MRTFB: variants seen among roughly 807,000 people sequenced by gnomAD.
The protein encoded by MRTFB is myocardin-related transcription factor B.
A neutral mutation model predicts 104.2 loss-of-function variants in MRTFB; 29 were observed. That is an observed-to-expected ratio of 0.28 (90% CI 0.21 to 0.38). MRTFB has a LOEUF of 0.38. Among genes scored for constraint, MRTFB ranks in the 10% least tolerant of loss-of-function variants. The probability of loss-of-function intolerance (pLI) is 1.00; values close to 1 mark genes in which losing one functional copy is unlikely to be tolerated. For missense variants in MRTFB, 1,270 were observed against 1,341.6 expected, an observed-to-expected ratio of 0.95 and a Z score of 0.83; for synonymous variants, 535 against 519.5, an observed-to-expected ratio of 1.03 and a Z score of -0.41.
At chr16:14,148,099 T>A (rs2038412927) in intron 3 of MRTFB, among the ~76,000 whole-genome samples, 1 of 152,216 alleles carries the variant, frequency 6.6e-6, no homozygotes, top group Admixed American at 6.5e-5. Context: ...AACAAATTTA[T>A]TAAGAAATAG....
intron 2 of MRTFB, among the ~76,000 whole-genome samples, chr16:14,118,866 C>T (rs2036687889): frequency 6.6e-6 from 1 of 151,832 alleles, no homozygotes; most frequent in East Asian, 1.9e-4. Context: ...ATTTCTGTGG[C>T]TTGCTTTTTT....
chr16:14,088,316 C>T (rs2034847841), intron 2 of MRTFB, among the ~76,000 whole-genome samples: 1 of 152,072 alleles, frequency 6.6e-6, no homozygotes, highest in Admixed American at 6.6e-5. Context: ...TGTAATTACC[C>T]CAGTTTTAAA....
upstream of MRTFB, among the ~76,000 whole-genome samples, chr16:14,066,473 C>T (rs2033529384): frequency 6.6e-6 from 1 of 152,054 alleles, no homozygotes; most frequent in Non-Finnish European, 1.5e-5. Flanking sequence ...GGGGGTTTCA[C>T]CATGTTGGTC....
In MRTFB at chr16:14,247,309, G is replaced by A. The variant is rs1385856804; in HGVS notation, c.2049G>A (p.Glu683=). The A allele has an allele frequency of 1.9e-6, 3 of 1,614,098 alleles. No individual in the cohort carries two copies. Among genetic ancestry groups the A allele is most frequent in the Non-Finnish European group, 2.5e-6 (3 of 1,180,054 alleles). ...AAAAGGCTGTAGTTATCAAGCAAGA[G>A]GTCCCTGTGGGCCAGGCAGAGCAGC... The part of the protein sequence containing the change: ...VAKKAVVIKQ[E]VPVGQAEQQS... The change falls in exon 12 of 17, where the codon GAG becomes GAA. Residue 683 remains glutamate (E), a synonymous_variant. Transcript: ENST00000571589.
chr16:14,108,904 G>A (rs960696059), intron 2 of MRTFB, among the ~76,000 whole-genome samples: 3 of 152,132 alleles, frequency 2.0e-5, no homozygotes, highest in African/African-American at 7.2e-5. Context: ...GGCCAGAAGT[G>A]TTAATGTCTG....
chr16:14,026,383 G>C, the MRTFB span, among the ~76,000 whole-genome samples: 1 of 152,070 alleles, frequency 6.6e-6, no homozygotes, highest in Non-Finnish European at 1.5e-5. Flanking sequence ...TTCAAACCAA[G>C]CCTCACAACT....
the MRTFB span, chr16:14,013,163 G>C: frequency 6.6e-6 from 1 of 152,280 alleles, no homozygotes; most frequent in Admixed American, 6.6e-5. Flanking sequence ...AGTGAAGGCA[G>C]AGGTGCTGGT....
chr16:14,115,511 C>CACCTT (rs1331024482), intron 2 of MRTFB, among the ~76,000 whole-genome samples: 5 of 152,328 alleles, frequency 3.3e-5, no homozygotes, highest in African/African-American at 1.2e-4. Context: ...GTTTATTCAG[C>CACCTT]ACCTTGTACA....
intron 3 of MRTFB, among the ~76,000 whole-genome samples, chr16:14,196,528 C>G (rs2040439495): frequency 6.6e-6 from 1 of 152,188 alleles, no homozygotes; most frequent in South Asian, 2.1e-4. Flanking sequence ...ATGTTGAAAT[C>G]AAAGGCAATA....
At chr16:14,141,031 T>C in intron 3 of MRTFB, 2 of 346,622 alleles carry the variant, frequency 5.8e-6, no homozygotes, top group Non-Finnish European at 1.1e-5. Context: ...GCAGATGATT[T>C]CATGCTGGAA....
chr16:14,040,466 C>CTTT, the MRTFB span, among the ~76,000 whole-genome samples: 1 of 144,436 alleles, frequency 6.9e-6, no homozygotes. Flanking sequence ...ATTACTAAAT[C>CTTT]TTTTTTTTTT....
chr16:14,144,908 C>T (rs1449586117), intron 3 of MRTFB: 1 of 148,450 alleles, frequency 6.7e-6, no homozygotes, highest in Non-Finnish European at 1.5e-5. Context: ...AAGATTGCAC[C>T]ACTGCACTCC....
At chr16:14,048,407 T>C in the MRTFB span, among the ~76,000 whole-genome samples, 1 of 152,282 alleles carries the variant, frequency 6.6e-6, no homozygotes, top group South Asian at 2.1e-4. Flanking sequence ...CTGCAAAGAC[T>C]TGGGACAGAG....
At chr16:14,092,410 G>A (rs917691581) in intron 2 of MRTFB, among the ~76,000 whole-genome samples, 1 of 152,152 alleles carries the variant, frequency 6.6e-6, no homozygotes, top group African/African-American at 2.4e-5. Flanking sequence ...AGTTATCTGT[G>A]TAGGGCTAGA....
At chr16:14,052,176 C>T in the MRTFB span, among the ~76,000 whole-genome samples, 2 of 152,000 alleles carry the variant, frequency 1.3e-5, no homozygotes, top group East Asian at 3.8e-4. Flanking sequence ...TTGTTCTTTA[C>T]GTGGTAGGAT....
At chr16:14,130,077 C>G (rs1295647684) in intron 2 of MRTFB, among the ~76,000 whole-genome samples, 1 of 152,186 alleles carries the variant, frequency 6.6e-6, no homozygotes, top group Admixed American at 6.5e-5. Flanking sequence ...GTGATCTGCC[C>G]ACCTCGGCCT....
the MRTFB span, among the ~76,000 whole-genome samples, chr16:14,005,273 T>C: frequency 6.6e-6 from 1 of 152,022 alleles, no homozygotes; most frequent in African/African-American, 2.4e-5. Context: ...CTTTTCAAAG[T>C]AGTAAGGAAG....
chr16:14,048,765 C>T, the MRTFB span, among the ~76,000 whole-genome samples: 13 of 152,316 alleles, frequency 8.5e-5, no homozygotes, highest in Middle Eastern at 6.8e-3. Context: ...CTTTTCCCAG[C>T]TCCCACCTTT....
chr16:14,159,735 C>A (rs2038957997), intron 3 of MRTFB, among the ~76,000 whole-genome samples: 1 of 151,498 alleles, frequency 6.6e-6, no homozygotes, highest in Admixed American at 6.6e-5. Context: ...CGAGACCATC[C>A]CGGCTAAAAC....
Sources: allele counts gnomAD v4.1 joint callset (sites outside exome capture counted in the v4.1 genomes callset), GRCh38; gene constraint gnomAD v4.1.1; transcripts MANE v1.5; gene names NCBI Gene and HGNC (gene_info 2026-07-23, HGNC 2026-07-21).